PRKG1: variants seen among roughly 807,000 people sequenced by gnomAD.
The protein encoded by PRKG1 is protein kinase cGMP-dependent 1.
Under a neutral mutation model 88.1 loss-of-function variants are expected in PRKG1, and 35 were observed. That is an observed-to-expected ratio of 0.40 (90% CI 0.30 to 0.53). The LOEUF (loss-of-function observed/expected upper bound fraction) is 0.53. PRKG1 is among the 20% of genes least tolerant of loss of function. The pLI is 0.59. For synonymous variants in PRKG1, 303 were observed against 292.5 expected, an observed-to-expected ratio of 1.04 and a Z score of -0.37; for missense variants, 540 against 839.8, an observed-to-expected ratio of 0.64 and a Z score of 4.41.
At chr10:51,198,592 A>G (rs1459266349) in intron 2 of PRKG1, among the ~76,000 whole-genome samples, 1 of 152,230 alleles carries the variant, frequency 6.6e-6, no homozygotes, top group African/African-American at 2.4e-5. Flanking sequence ...GTATCTATGA[A>G]AATTGCATTA....
In PRKG1 at chr10:51,129,140, A is replaced by G. The variant is rs147936270; in HGVS notation, c.312-24024A>G. Among the ~76,000 whole-genome samples, 313 of 152,290 alleles carry G rather than the reference A, an allele frequency of 2.1e-3. 2 individuals are homozygous for G. The highest frequency in any genetic ancestry group is 7.3e-3 in the African/African-American group (303 of 41,556). Reference sequence around the variant, plus strand: ...TTATATGCGTCATCTCAGTATCTTTATCACCACCTCCAAGTTTTTCACAAC... The same window carrying G: ...TTATATGCGTCATCTCAGTATCTTTGTCACCACCTCCAAGTTTTTCACAAC... On this transcript the variant is annotated intron_variant, in intron 1 of 17. Coordinates refer to ENST00000373980, the MANE Select transcript of PRKG1 (RefSeq NM_006258.4).
intron 5 of PRKG1, among the ~76,000 whole-genome samples, chr10:51,966,234 C>G (rs1233097548): frequency 6.6e-6 from 1 of 152,036 alleles, no homozygotes; most frequent in African/African-American, 2.4e-5. Flanking sequence ...TTGATAATTT[C>G]AGCAACCCTT....
chr10:52,123,092 A>C (rs1334757567), intron 7 of PRKG1, among the ~76,000 whole-genome samples: 1 of 152,230 alleles, frequency 6.6e-6, no homozygotes, highest in African/African-American at 2.4e-5. Context: ...AGTCTAATAA[A>C]TGGCTACATT....
chr10:51,743,671 T>C (rs1238143185), intron 3 of PRKG1, among the ~76,000 whole-genome samples: 2 of 139,444 alleles, frequency 1.4e-5, no homozygotes, highest in African/African-American at 5.3e-5. Flanking sequence ...TATATATATA[T>C]TTATATATAT....
At chr10:51,208,761 G>A (rs1045549498) in intron 2 of PRKG1, among the ~76,000 whole-genome samples, 4 of 152,114 alleles carry the variant, frequency 2.6e-5, no homozygotes. Flanking sequence ...ATGTTCTGCT[G>A]GTGATGCCTT....
chr10:51,634,121 G>A (rs1839596177), intron 3 of PRKG1, among the ~76,000 whole-genome samples: 1 of 152,098 alleles, frequency 6.6e-6, no homozygotes, highest in African/African-American at 2.4e-5. Context: ...TGAAATGTGT[G>A]TTTCAATAGA....
intron 5 of PRKG1, among the ~76,000 whole-genome samples, chr10:51,939,643 A>G (rs1342043674): frequency 6.6e-6 from 1 of 151,750 alleles, no homozygotes; most frequent in Non-Finnish European, 1.5e-5. Context: ...CATGTCCTTA[A>G]CATGCTTTAA....
intron 3 of PRKG1, among the ~76,000 whole-genome samples, chr10:51,673,798 A>C (rs554838861): frequency 1.3e-5 from 2 of 152,330 alleles, no homozygotes; most frequent in South Asian, 2.1e-4. Flanking sequence ...TAGACTTTTT[A>C]ACATCTGAAG....
At chr10:51,991,448 G>A (rs59646669) in intron 5 of PRKG1, among the ~76,000 whole-genome samples, 13,116 of 151,928 alleles carry the variant, frequency 0.086, 615 homozygotes, top group Non-Finnish European at 0.1. Flanking sequence ...TGTTACATAT[G>A]TGTACATGCG....
At chr10:51,673,314 G>A (rs1002750949) in intron 3 of PRKG1, among the ~76,000 whole-genome samples, 23 of 152,238 alleles carry the variant, frequency 1.5e-4, no homozygotes, top group African/African-American at 5.1e-4. Context: ...AAGAGTAGCC[G>A]GGAAAGGCCA....
chr10:51,848,307 A>T (rs1383600751), intron 4 of PRKG1, among the ~76,000 whole-genome samples: 1 of 152,226 alleles, frequency 6.6e-6, no homozygotes, highest in Admixed American at 6.5e-5. Flanking sequence ...TAGATGTAAC[A>T]TGGAGAAAAA....
intron 9 of PRKG1, among the ~76,000 whole-genome samples, chr10:52,189,563 G>A (rs111376595): frequency 2.8e-3 from 429 of 152,254 alleles, no homozygotes; most frequent in African/African-American, 1.0e-2. Context: ...TCTAGCTTGG[G>A]CACTCCTTAT....
chr10:51,038,811 A>G (rs1843384574), intron 1 of PRKG1, among the ~76,000 whole-genome samples: 1 of 152,202 alleles, frequency 6.6e-6, no homozygotes, highest in Admixed American at 6.5e-5. Flanking sequence ...GAGGTAATGG[A>G]TACCCTATTT....
chr10:51,263,538 A>T (rs569770188), intron 2 of PRKG1, among the ~76,000 whole-genome samples: 1 of 152,250 alleles, frequency 6.6e-6, no homozygotes, highest in Admixed American at 6.5e-5. Context: ...TACTTATAGA[A>T]CTGCTTTTAT....
At chr10:52,209,279 C>A (rs1440198382) in intron 9 of PRKG1, among the ~76,000 whole-genome samples, 1 of 152,162 alleles carries the variant, frequency 6.6e-6, no homozygotes, top group African/African-American at 2.4e-5. Flanking sequence ...TGTTTCAATA[C>A]AACTTTATTT....
In PRKG1 at chr10:52,295,199, G is replaced by A. The variant is rs1458950363; in HGVS notation, c.*1299G>A. 2 of 152,040 alleles carry A rather than the reference G, an allele frequency of 1.3e-5. No individual in the cohort carries two copies. The highest frequency in any genetic ancestry group is 2.9e-5 in the Non-Finnish European group (2 of 67,984). 9.4% of individuals were successfully genotyped at this position (152,040 alleles called of 1,614,324 possible). ...AATATTTACAGGTTTACCAGATCTG[G>A]AACATTACTTATTTGAGGTCAGAGA... On this transcript the variant is annotated 3_prime_UTR_variant, in exon 18 of 18. Coordinates refer to ENST00000373980, the MANE Select transcript of PRKG1 (RefSeq NM_006258.4).
chr10:51,116,393 C>G (rs1845124075), intron 1 of PRKG1, among the ~76,000 whole-genome samples: 1 of 152,116 alleles, frequency 6.6e-6, no homozygotes, highest in African/African-American at 2.4e-5. Context: ...TCTTCAGTCC[C>G]TGAAGACACG....
intron 5 of PRKG1, among the ~76,000 whole-genome samples, chr10:52,025,466 C>A (rs1371556990): frequency 2.6e-5 from 4 of 152,224 alleles, no homozygotes; most frequent in African/African-American, 4.8e-5. Context: ...TTAGGTCTAA[C>A]ATTTAAGTCT....
At chr10:51,781,340 T>C (rs1164276585) in intron 3 of PRKG1, among the ~76,000 whole-genome samples, 1 of 152,120 alleles carries the variant, frequency 6.6e-6, no homozygotes, top group African/African-American at 2.4e-5. Flanking sequence ...AAGCCATTGG[T>C]TACAAAGCTT....
Sources: gnomAD v4.1 joint callset for allele counts (sites outside exome capture counted in the v4.1 genomes callset) on GRCh38, gnomAD v4.1.1 for gene constraint, MANE v1.5 for transcripts, NCBI Gene and HGNC (gene_info 2026-07-23, HGNC 2026-07-21) for gene names.